MAP3K13: variants seen among roughly 807,000 people sequenced by gnomAD.
The protein encoded by MAP3K13 is mitogen-activated protein kinase kinase kinase 13.
Under a neutral mutation model 104.0 loss-of-function variants are expected in MAP3K13, and 52 were observed. That is an observed-to-expected ratio of 0.50 (90% CI 0.40 to 0.63). The LOEUF (loss-of-function observed/expected upper bound fraction) is 0.63, where lower values mean the gene tolerates loss of function less well. Ranked by LOEUF, MAP3K13 falls within the 20% of genes least tolerant of loss-of-function variation. The pLI is 0.00. For synonymous variants in MAP3K13, 394 were observed against 442.2 expected (o/e 0.89, Z 1.37); for missense variants, 914 against 1,218.5 (o/e 0.75, Z 3.72).
intron 2 of MAP3K13, among the ~76,000 whole-genome samples, chr3:185,434,174 G>T (rs1451231581): frequency 2.0e-5 from 3 of 151,998 alleles, no homozygotes; most frequent in African/African-American, 7.2e-5. Context: ...AAAGAAAAAG[G>T]CTTATAAAAA....
chr3:185,326,391 C>T (rs1305015932), intron 2 of MAP3K13, among the ~76,000 whole-genome samples: 1 of 152,158 alleles, frequency 6.6e-6, no homozygotes, highest in Non-Finnish European at 1.5e-5. Flanking sequence ...CTCCAGGGCA[C>T]CTCTGCCCTG....
At chr3:185,329,110 G>A in intron 2 of MAP3K13, 1 of 621,424 alleles carries the variant, frequency 1.6e-6, no homozygotes, top group South Asian at 1.8e-5. Context: ...TCAGCACTCA[G>A]CAGTAGTTTT....
intron 8 of MAP3K13, among the ~76,000 whole-genome samples, chr3:185,464,282 T>G (rs1183592837): frequency 6.6e-6 from 1 of 152,158 alleles, no homozygotes; most frequent in Non-Finnish European, 1.5e-5. Context: ...AGTGAGATTC[T>G]GTCTCAAAAA....
intron 2 of MAP3K13, among the ~76,000 whole-genome samples, chr3:185,294,278 CA>C (rs2108675215): frequency 6.6e-6 from 1 of 152,244 alleles, no homozygotes; most frequent in African/African-American, 2.4e-5. Context: ...TTGATGATAG[CA>C]TTGGTTAGGT....
At position 185,356,964 on chromosome 3, in the gene MAP3K13, C is replaced by T. The variant is rs144306135; in HGVS notation, c.-86+71321C>T. Among the ~76,000 whole-genome samples the T allele has an allele frequency of 2.0e-5, 3 of 152,234 alleles. No homozygotes were observed. The East Asian group carries it at 5.8e-4, about 29-fold the overall frequency. On this transcript the variant is annotated intron_variant, in intron 2 of 14. Coordinates refer to the MAP3K13 transcript ENST00000424227. ...CGCCCGACTTTAAAAGGCAGATATC[C>T]ACTACTCTGATGTTTTGGTCTTTAA...
At chr3:185,462,632 G>A (rs1202713304) in intron 7 of MAP3K13, among the ~76,000 whole-genome samples, 2 of 152,134 alleles carry the variant, frequency 1.3e-5, no homozygotes, top group East Asian at 1.9e-4. Context: ...AATTAGCCGG[G>A]TGTGGTGGCA....
chr3:185,374,164 C>T (rs2108752372), intron 1 of MAP3K13, among the ~76,000 whole-genome samples: 1 of 152,186 alleles, frequency 6.6e-6, no homozygotes, highest in South Asian at 2.1e-4. Flanking sequence ...TCTTCAGTTA[C>T]TTCAGGCCAT....
intron 7 of MAP3K13, among the ~76,000 whole-genome samples, chr3:185,460,258 C>T (rs187573935): frequency 6.8e-4 from 104 of 152,324 alleles, no homozygotes; most frequent in African/African-American, 2.3e-3. Context: ...ATCTTCCACC[C>T]ACAAATGTAA....
Position 185,486,176 on chromosome 3 carries a change from CCT to C in MAP3K13, c.*3721_*3722del, listed in dbSNP as rs773432446. 9 of 152,172 alleles carry C rather than the reference CCT, an allele frequency of 5.9e-5. No homozygotes were observed. The highest frequency in any genetic ancestry group is 3.8e-4 in the East Asian group (2 of 5,198). The allele number at this position is 152,172 out of a possible 1,614,324, so 9.4% of individuals were successfully genotyped here. A position where few individuals can be genotyped will look rare whatever the true frequency, so the allele number is the denominator to read the frequency against. ...TGATGGTCTTCCTAGAAAACCTACC[CCT>C]GATACCTCGTAATTTTGATCAGTTT... On this transcript the variant is annotated 3_prime_UTR_variant, in exon 14 of 14. Coordinates refer to ENST00000265026, the MANE Select transcript of MAP3K13 (RefSeq NM_004721.5).
At chr3:185,310,760 A>G (rs1376314829) in intron 2 of MAP3K13, among the ~76,000 whole-genome samples, 1 of 152,204 alleles carries the variant, frequency 6.6e-6, no homozygotes, top group Non-Finnish European at 1.5e-5. Context: ...GAAAGAAATG[A>G]AAATAACTTG....
At chr3:185,370,870 A>G (rs1302145108) in intron 1 of MAP3K13, among the ~76,000 whole-genome samples, 3 of 151,982 alleles carry the variant, frequency 2.0e-5, no homozygotes, top group African/African-American at 7.3e-5. Flanking sequence ...TCCTGAAATA[A>G]CCTTTGTTAG....
chr3:185,397,834 C>T (rs528002617), intron 1 of MAP3K13, among the ~76,000 whole-genome samples: 4 of 152,054 alleles, frequency 2.6e-5, no homozygotes, highest in South Asian at 2.1e-4. Flanking sequence ...TCCTGTCAGG[C>T]GTTGGTTCCC....
At chr3:185,365,951 CCCTT>C (rs541488644) in intron 1 of MAP3K13, among the ~76,000 whole-genome samples, 8 of 69,470 alleles carry the variant, frequency 1.2e-4, no homozygotes, top group African/African-American at 3.0e-4. Flanking sequence ...CTCCCTCCCT[CCCTT>C]CCTTCCTTCC....
At chr3:185,298,700 G>A (rs1158818745) in intron 2 of MAP3K13, among the ~76,000 whole-genome samples, 1 of 152,196 alleles carries the variant, frequency 6.6e-6, no homozygotes, top group African/African-American at 2.4e-5. Flanking sequence ...CATAAGTGAT[G>A]TAGAAACAGA....
intron 1 of MAP3K13, among the ~76,000 whole-genome samples, chr3:185,391,105 T>C (rs1293444616): frequency 6.6e-6 from 1 of 152,194 alleles, no homozygotes; most frequent in Non-Finnish European, 1.5e-5. Flanking sequence ...ATTTGAAGTG[T>C]CCAGTTCAAC....
chr3:185,379,730 A>G (rs1028135159), intron 1 of MAP3K13, among the ~76,000 whole-genome samples: 4 of 152,184 alleles, frequency 2.6e-5, no homozygotes, highest in African/African-American at 9.7e-5. Context: ...GATGAGTTAT[A>G]CATTCATTAT....
At chr3:185,392,360 A>C (rs998645566) in intron 1 of MAP3K13, among the ~76,000 whole-genome samples, 9 of 152,216 alleles carry the variant, frequency 5.9e-5, no homozygotes, top group African/African-American at 2.2e-4. Flanking sequence ...ACAGGAGGAC[A>C]TAAGTGGAGC....
chr3:185,484,408 C>T lies in MAP3K13; in HGVS notation c.*1952C>T, dbSNP rs1560141064. On this transcript the variant is annotated 3_prime_UTR_variant, in exon 14 of 14. Transcript: ENST00000265026. ...AAGACAGATTACCGTCAAACAACCT[C>T]TCTAGATTCACTGGACTCTTTGACA... The T allele has an allele frequency of 1.3e-5, 2 of 152,230 alleles. No individual in the cohort carries two copies. The highest frequency in any genetic ancestry group is 3.8e-4 in the East Asian group (2 of 5,200). The allele number at this position is 152,230 out of a possible 1,614,324, so 9.4% of individuals were successfully genotyped here.
chr3:185,394,301 C>T, intron 1 of MAP3K13, among the ~76,000 whole-genome samples: 1 of 152,096 alleles, frequency 6.6e-6, no homozygotes, highest in East Asian at 1.9e-4. Flanking sequence ...TCCTGTGTCC[C>T]TCTGGGTACA....
Sources: gnomAD v4.1 joint callset for allele counts (sites outside exome capture counted in the v4.1 genomes callset) on GRCh38, gnomAD v4.1.1 for gene constraint, MANE v1.5 for transcripts, NCBI Gene and HGNC (gene_info 2026-07-23, HGNC 2026-07-21) for gene names.